Variants in PRKCE observed in about 807,000 individuals in gnomAD.
The protein encoded by PRKCE is protein kinase C epsilon, also known as protein kinase C epsilon type.
In PRKCE, 16 loss-of-function variants were observed where a neutral mutation model predicts 85.4. The observed-to-expected ratio is 0.19, with a 90% CI of 0.13 to 0.28. The LOEUF (loss-of-function observed/expected upper bound fraction) is 0.28. PRKCE is among the 10% of genes least tolerant of loss of function. PRKCE has a pLI of 1.00. For missense variants in PRKCE, 573 were observed against 975.2 expected (o/e 0.59, Z 5.49); for synonymous variants, 388 against 371.5 (o/e 1.04, Z -0.51).
At chr2:45,898,119 A>G (rs537535414) in intron 2 of PRKCE, among the ~76,000 whole-genome samples, 2 of 152,332 alleles carry the variant, frequency 1.3e-5, no homozygotes, top group South Asian at 2.1e-4. Flanking sequence ...CTAATTCCCA[A>G]AAACAAAAAG....
chr2:45,751,809 ATTTTTTTT>A (rs34589907), intron 1 of PRKCE, among the ~76,000 whole-genome samples: 1,799 of 78,508 alleles, frequency 0.023, 66 homozygotes, highest in African/African-American at 0.096. Flanking sequence ...GCTAACCACT[ATTTTTTTT>A]TTTTTTTTTT....
At chr2:46,092,994 G>A (rs1670328712) in intron 11 of PRKCE, among the ~76,000 whole-genome samples, 1 of 152,146 alleles carries the variant, frequency 6.6e-6, no homozygotes, top group African/African-American at 2.4e-5. Flanking sequence ...GAGAAGGTAG[G>A]GGCATCTCTT....
intron 2 of PRKCE, among the ~76,000 whole-genome samples, chr2:45,862,052 T>A (rs1285982199): frequency 6.6e-6 from 1 of 152,082 alleles, no homozygotes; most frequent in Non-Finnish European, 1.5e-5. Flanking sequence ...CCAAGGGACT[T>A]ATGCTCCCCA....
At chr2:46,084,512 A>G (rs1304220069) in intron 10 of PRKCE, among the ~76,000 whole-genome samples, 1 of 152,102 alleles carries the variant, frequency 6.6e-6, no homozygotes, top group Non-Finnish European at 1.5e-5. Context: ...TCACGAGGTC[A>G]GGAGATCAAG....
At chr2:46,028,292 A>C (rs963881249) in intron 10 of PRKCE, among the ~76,000 whole-genome samples, 5 of 152,242 alleles carry the variant, frequency 3.3e-5, no homozygotes, top group Non-Finnish European at 7.3e-5. Context: ...CTCTTTCAGC[A>C]AGCAGCTCTG....
intron 2 of PRKCE, among the ~76,000 whole-genome samples, chr2:45,860,526 G>T (rs1693068596): frequency 1.3e-5 from 2 of 152,316 alleles, no homozygotes; most frequent in Admixed American, 1.3e-4. Flanking sequence ...CTGTATGGTT[G>T]CTGTCAAGTT....
intron 1 of PRKCE, among the ~76,000 whole-genome samples, chr2:45,663,782 C>CA (rs552804514): frequency 0.01 from 1,389 of 134,898 alleles, 33 homozygotes; most frequent in East Asian, 0.076. Flanking sequence ...GACTCCGTCT[C>CA]AAAAAAAAAA....
chr2:45,742,364 T>C (rs1682651225), intron 1 of PRKCE, among the ~76,000 whole-genome samples: 1 of 151,740 alleles, frequency 6.6e-6, no homozygotes, highest in African/African-American at 2.4e-5. Context: ...GAGCCCAGGA[T>C]TTCAAGGCTG....
chr2:46,038,144 C>A (rs1707990913), intron 10 of PRKCE, among the ~76,000 whole-genome samples: 1 of 152,048 alleles, frequency 6.6e-6, no homozygotes, highest in African/African-American at 2.4e-5. Flanking sequence ...CTATAGTTAT[C>A]TTCTTTATAA....
At chr2:46,080,434 C>T (rs1668964797) in intron 10 of PRKCE, among the ~76,000 whole-genome samples, 1 of 152,160 alleles carries the variant, frequency 6.6e-6, no homozygotes, top group African/African-American at 2.4e-5. Flanking sequence ...GTGAGAATAG[C>T]TCAAGATGAG....
At chr2:45,989,078 C>G (rs189069213) in intron 6 of PRKCE, among the ~76,000 whole-genome samples, 3 of 152,350 alleles carry the variant, frequency 2.0e-5, no homozygotes, top group Non-Finnish European at 4.4e-5. Context: ...CAAGGGGCAA[C>G]TTCACAGGAA....
intron 1 of PRKCE, among the ~76,000 whole-genome samples, chr2:45,687,704 A>G (rs1677406928): frequency 1.3e-5 from 2 of 152,336 alleles, no homozygotes; most frequent in African/African-American, 4.8e-5. Context: ...GACACTTGAA[A>G]TGGCTGGTAT....
At chr2:45,820,259 G>T (rs895276051) in intron 1 of PRKCE, among the ~76,000 whole-genome samples, 3 of 152,098 alleles carry the variant, frequency 2.0e-5, no homozygotes, top group Non-Finnish European at 1.5e-5. Context: ...ACACTGCCAG[G>T]CACTTGAGAA....
intron 1 of PRKCE, among the ~76,000 whole-genome samples, chr2:45,842,606 T>C (rs1365013454): frequency 1.3e-5 from 2 of 152,312 alleles, no homozygotes; most frequent in African/African-American, 4.8e-5. Flanking sequence ...CTCAACATCA[T>C]TGATGACATT....
intron 2 of PRKCE, among the ~76,000 whole-genome samples, chr2:45,963,213 T>C (rs892077361): frequency 1.3e-5 from 2 of 152,204 alleles, no homozygotes; most frequent in African/African-American, 4.8e-5. Context: ...GATTGTGTTA[T>C]GTAAAATGAG....
intron 2 of PRKCE, among the ~76,000 whole-genome samples, chr2:45,914,850 CTCTT>C (rs1697645044): frequency 1.3e-5 from 2 of 152,324 alleles, no homozygotes; most frequent in South Asian, 4.2e-4. Context: ...TAATAGGGAA[CTCTT>C]TCTTGGTTTT....
chr2:45,850,886 T>C (rs937477120), intron 2 of PRKCE, among the ~76,000 whole-genome samples: 1 of 152,224 alleles, frequency 6.6e-6, no homozygotes, highest in African/African-American at 2.4e-5. Flanking sequence ...TATTTGCTTA[T>C]CTAATATATA....
chr2:46,079,769 C>T (rs1048469947), intron 10 of PRKCE, among the ~76,000 whole-genome samples: 3 of 152,184 alleles, frequency 2.0e-5, no homozygotes, highest in African/African-American at 4.8e-5. Flanking sequence ...TCTGGCTATC[C>T]GTCACACCTT....
chr2:45,994,570 A>C (rs947795132), intron 6 of PRKCE, among the ~76,000 whole-genome samples: 1 of 152,100 alleles, frequency 6.6e-6, no homozygotes, highest in African/African-American at 2.4e-5. Context: ...GGCACCTTTC[A>C]CTTAGCAATA....
Sources: gnomAD v4.1 joint callset for allele counts (sites outside exome capture counted in the v4.1 genomes callset) on GRCh38, gnomAD v4.1.1 for gene constraint, MANE v1.5 for transcripts, NCBI Gene and HGNC (gene_info 2026-07-23, HGNC 2026-07-21) for gene names.